SPTY2D1: variants seen among roughly 807,000 people sequenced by gnomAD.
SPTY2D1 encodes the protein SPT2 chromatin protein domain containing 1, also known as protein SPT2 homolog.
Under a neutral mutation model 64.0 loss-of-function variants are expected in SPTY2D1, and 21 were observed. The ratio of observed to expected loss-of-function variants is 0.33; its 90% CI spans 0.23 to 0.47. The LOEUF (loss-of-function observed/expected upper bound fraction) is 0.47, where lower values mean the gene tolerates loss of function less well. SPTY2D1 is among the 20% of genes least tolerant of loss of function. The pLI, the probability that SPTY2D1 is intolerant of heterozygous loss-of-function variation, is 1.00. For missense variants in SPTY2D1, 724 were observed against 837.2 expected (o/e 0.86, Z 1.67); for synonymous variants, 287 against 286.8 (o/e 1.00, Z -0.01).
At position 18,607,561 on chromosome 11, in the gene SPTY2D1, C is replaced by G. The variant is rs1461676748; in HGVS notation, c.*2300G>C. 1 of 152,490 alleles carries G rather than the reference C, an allele frequency of 6.6e-6. No homozygotes were observed. The allele number at this position is 152,490 out of a possible 1,614,324, so 9.4% of individuals were successfully genotyped here. On this transcript the variant is annotated 3_prime_UTR_variant, in exon 6 of 6. Coordinates refer to ENST00000336349, the MANE Select transcript of SPTY2D1 (RefSeq NM_194285.3). ...AGTAGAGAATACATTAAAAATCAAG[C>G]ATTTAATTTGTAAACCTTAATGAAA...
At chr11:18,621,066 G>C (rs1019165895) in intron 1 of SPTY2D1, among the ~76,000 whole-genome samples, 2 of 151,944 alleles carry the variant, frequency 1.3e-5, no homozygotes, top group Non-Finnish European at 2.9e-5. Context: ...CACTTTGGGA[G>C]GCTGAAGCGG....
chr11:18,614,535 T>A (rs1394499014), intron 3 of SPTY2D1, 28 bp downstream of exon 3: 4 of 1,574,462 alleles, frequency 2.5e-6, no homozygotes, highest in Admixed American at 1.8e-5. Flanking sequence ...GACAAATATA[T>A]ACTCTTTCGG....
At chr11:18,627,183 T>A (rs1171859677) in intron 1 of SPTY2D1, among the ~76,000 whole-genome samples, 2 of 122,806 alleles carry the variant, frequency 1.6e-5, no homozygotes, top group African/African-American at 6.3e-5. Flanking sequence ...GAGGCCGAGG[T>A]GGGTGGATCA....
chr11:18,618,255 C>A (rs927440701), intron 1 of SPTY2D1, among the ~76,000 whole-genome samples: 1 of 152,210 alleles, frequency 6.6e-6, no homozygotes, highest in Non-Finnish European at 1.5e-5. Flanking sequence ...TCCCAGCAAC[C>A]TTTAACTGTA....
chr11:18,614,697 C>A lies in SPTY2D1; in HGVS notation c.1577G>T (p.Ser526Ile), dbSNP rs1854260341. The A allele has an allele frequency of 1.2e-6, 2 of 1,614,256 alleles. No individual in the cohort carries two copies. The highest frequency in any genetic ancestry group is 1.7e-6 in the Non-Finnish European group (2 of 1,180,044). Residue 526 changes from serine to isoleucine, a missense_variant, in exon 3 of 6, where the codon AGC (serine) becomes ATC (isoleucine). This residue lies in a region of SPTY2D1 where 426 missense variants were observed against 431.8 expected (regional missense o/e 0.99). Coordinates refer to ENST00000336349, the MANE Select transcript of SPTY2D1 (RefSeq NM_194285.3). ...SSLGPGQTVS[S>I]SGPTIKPKCT... ...CTTAGGCTTTATAGTGGGACCTGAG[C>A]TACTAACTGTTTGCCCAGGTCCCAA...
intron 1 of SPTY2D1, among the ~76,000 whole-genome samples, chr11:18,621,631 T>G (rs1050196201): frequency 1.3e-5 from 2 of 152,206 alleles, no homozygotes; most frequent in Non-Finnish European, 2.9e-5. Context: ...GTCCTTATGA[T>G]GCAGCAGAAA....
At position 18,615,541 on chromosome 11, in the gene SPTY2D1, C is replaced by T. The variant is rs766160851; in HGVS notation, c.733G>A (p.Gly245Ser). 3 of 1,614,212 alleles carry T rather than the reference C, an allele frequency of 1.9e-6. No individual in the cohort carries two copies. The highest frequency in any genetic ancestry group is 2.5e-6 in the Non-Finnish European group (3 of 1,180,040). The part of the protein sequence containing the change: ...KESVGTKLSK[G>S]SGDRHPSSKG... Reference sequence around the variant, plus strand: ...GAAGAAGGATGCCTGTCTCCAGAACCTTTGCTAAGTTTTGTGCCCACACTT... The same window carrying T: ...GAAGAAGGATGCCTGTCTCCAGAACTTTTGCTAAGTTTTGTGCCCACACTT... The change falls in exon 3 of 6, where the codon GGT becomes AGT. Residue 245 changes from glycine (G) to serine (S), a missense_variant. Gly to Ser is a moderately conservative substitution (Grantham distance 56, BLOSUM62 0). Coordinates refer to ENST00000336349, the MANE Select transcript of SPTY2D1 (RefSeq NM_194285.3).
chr11:18,618,645 G>A (rs1309590180), intron 1 of SPTY2D1, among the ~76,000 whole-genome samples: 1 of 152,020 alleles, frequency 6.6e-6, no homozygotes, highest in East Asian at 1.9e-4. Context: ...GTGGCTAGCA[G>A]AAAAAGAAAC....
In SPTY2D1 at chr11:18,634,324, C is replaced by G. The variant is rs866274569; in HGVS notation, c.-67G>C. On this transcript the variant is annotated 5_prime_UTR_variant, in exon 1 of 6. Coordinates refer to ENST00000336349, the MANE Select transcript of SPTY2D1 (RefSeq NM_194285.3). ...GGACTGACAGCGCACCTAACCGAGG[C>G]GCCCAGCTACAGCCAACTGCACTGC... The G allele has an allele frequency of 5.1e-6, 8 of 1,558,948 alleles. No homozygotes were observed. Among genetic ancestry groups the G allele is most frequent in the African/African-American group, 2.7e-5 (2 of 73,912 alleles).
intron 3 of SPTY2D1, among the ~76,000 whole-genome samples, chr11:18,614,344 C>G (rs943185669): frequency 2.6e-5 from 4 of 152,148 alleles, no homozygotes; most frequent in African/African-American, 9.7e-5. Flanking sequence ...ACTGCTTGAG[C>G]CTGTGATTGT....
At chr11:18,631,771 G>C (rs753999041) in intron 1 of SPTY2D1, among the ~76,000 whole-genome samples, 22 of 152,174 alleles carry the variant, frequency 1.4e-4, no homozygotes, top group Non-Finnish European at 2.8e-4. Flanking sequence ...CCTTATGTTT[G>C]AAAGTGTCCA....
chr11:18,628,081 C>A (rs182997390), intron 1 of SPTY2D1, among the ~76,000 whole-genome samples: 173 of 152,210 alleles, frequency 1.1e-3, no homozygotes, highest in African/African-American at 3.9e-3. Context: ...GATAAGAGAC[C>A]CCTTTACTAT....
intron 1 of SPTY2D1, 142 bp downstream of exon 1, chr11:18,634,055 TA>T: frequency 2.2e-6 from 2 of 896,938 alleles, no homozygotes; most frequent in Non-Finnish European, 3.5e-6. Flanking sequence ...CCCAAGAGTA[TA>T]AACCCAAGAA....
chr11:18,632,108 T>A (rs1343503883), intron 1 of SPTY2D1, among the ~76,000 whole-genome samples: 1 of 150,716 alleles, frequency 6.6e-6, no homozygotes, highest in East Asian at 2.0e-4. Flanking sequence ...ACCATGCCAC[T>A]GCACTCCAGC....
intron 1 of SPTY2D1, among the ~76,000 whole-genome samples, chr11:18,619,839 T>C (rs760986911): frequency 6.6e-6 from 1 of 152,152 alleles, no homozygotes; most frequent in Non-Finnish European, 1.5e-5. Context: ...CAAAGCCCCA[T>C]GCAAGGTTTT....
At chr11:18,629,567 A>C (rs1007522660) in intron 1 of SPTY2D1, among the ~76,000 whole-genome samples, 10 of 152,210 alleles carry the variant, frequency 6.6e-5, no homozygotes, top group African/African-American at 2.4e-4. Flanking sequence ...GTATTCTACC[A>C]AAACAAGTTA....
intron 1 of SPTY2D1, among the ~76,000 whole-genome samples, chr11:18,632,710 T>C (rs1161446098): frequency 3.3e-5 from 5 of 152,240 alleles, no homozygotes; most frequent in Admixed American, 2.6e-4. Context: ...TCATAGATAA[T>C]GCATATATTA....
At chr11:18,616,673 C>A (rs1471443320) in intron 2 of SPTY2D1, among the ~76,000 whole-genome samples, 2 of 151,626 alleles carry the variant, frequency 1.3e-5, no homozygotes, top group Admixed American at 6.6e-5. Context: ...AAAAAGAAAA[C>A]GTTTATACAA....
At chr11:18,624,621 T>C (rs578037914) in intron 1 of SPTY2D1, among the ~76,000 whole-genome samples, 236 of 152,346 alleles carry the variant, frequency 1.5e-3, no homozygotes, top group African/African-American at 5.5e-3. Context: ...TTAAACTGTA[T>C]CATCTAAGCC....
Sources: gnomAD v4.1 joint callset for allele counts (sites outside exome capture counted in the v4.1 genomes callset) on GRCh38, gnomAD v4.1.1 for gene constraint, gnomAD v4.1.1 regional missense constraint, MANE v1.5 for transcripts, NCBI Gene and HGNC (gene_info 2026-07-23, HGNC 2026-07-21) for gene names.